EGFL6: variants seen among roughly 807,000 people sequenced by gnomAD.
EGFL6 encodes epidermal growth factor-like protein 6.
Under a neutral mutation model 43.1 loss-of-function variants are expected in EGFL6, and 42 were observed. The ratio of observed to expected loss-of-function variants is 0.98; its 90% CI spans 0.76 to 1.26. The LOEUF is 1.26. EGFL6 is among the 50% of genes most tolerant of loss of function. The pLI is 0.00. For synonymous variants in EGFL6, 164 were observed against 163.2 expected (o/e 1.01, Z -0.04); for missense variants, 429 against 427.8 (o/e 1.00, Z -0.02).
chrX:13,580,211 C>A (rs1401827619), intron 1 of EGFL6, among the ~76,000 whole-genome samples: 1 of 111,695 alleles, frequency 9.0e-6, no homozygotes. Context: ...TGCTGTATTT[C>A]CACAGAGATT....
chrX:13,579,906 T>C (rs2045496199), intron 1 of EGFL6, among the ~76,000 whole-genome samples: 1 of 111,102 alleles, frequency 9.0e-6, no homozygotes, highest in Non-Finnish European at 1.9e-5. Flanking sequence ...TTCTCACAAC[T>C]GTTAGCTGAC....
In EGFL6 at chrX:13,569,649, C is replaced by T; in HGVS notation, c.-213C>T. On this transcript the variant is annotated 5_prime_UTR_variant, in exon 1 of 12. Coordinates refer to ENST00000361306, the MANE Select transcript of EGFL6 (RefSeq NM_015507.4). ...GCAGAGGAGCCTCGGCCAGGCTTGC[C>T]AGGGCGCCCCCAGCCCCTCCCCAGG... 1 of 411,330 alleles carries T rather than the reference C, an allele frequency of 2.4e-6. No individual in the cohort carries two copies. The highest frequency in any genetic ancestry group is 4.2e-6 in the Non-Finnish European group (1 of 236,406). 33.9% of individuals were successfully genotyped at this position (411,330 alleles called of 1,213,427 possible).
At chrX:13,571,496 G>A (rs950092944) in intron 1 of EGFL6, among the ~76,000 whole-genome samples, 1 of 111,659 alleles carries the variant, frequency 9.0e-6, no homozygotes, top group African/African-American at 3.3e-5. Context: ...AGGTTCTTGC[G>A]TTGCTAGAAA....
chrX:13,627,465 T>C (rs948306392), intron 11 of EGFL6, among the ~76,000 whole-genome samples, 189 bp downstream of exon 11: 3 of 111,921 alleles, frequency 2.7e-5, no homozygotes, highest in Non-Finnish European at 3.8e-5. Flanking sequence ...CATGGATACT[T>C]ATCTGGCGTA....
intron 1 of EGFL6, among the ~76,000 whole-genome samples, chrX:13,585,113 C>T (rs1176871517): frequency 4.5e-5 from 5 of 111,889 alleles, no homozygotes; most frequent in Non-Finnish European, 9.4e-5. Flanking sequence ...AAAGCCCTAA[C>T]TTGATTCACA....
chrX:13,575,481 C>T (rs1385085772), intron 1 of EGFL6, among the ~76,000 whole-genome samples: 2 of 111,645 alleles, frequency 1.8e-5, no homozygotes, highest in Non-Finnish European at 3.8e-5. Context: ...AGAAGACAGC[C>T]ATCTTCAAGC....
In EGFL6 at chrX:13,594,919, T is replaced by C; in HGVS notation, c.271T>C (p.Cys91Arg). 8.3e-7 allele frequency: 1 copy of C among 1,207,323 alleles called. No individual in the cohort carries two copies. Among genetic ancestry groups the C allele is most frequent in the Non-Finnish European group, 1.1e-6 (1 of 891,915 alleles). Residue 91 changes from cysteine (C) to arginine (R), a missense_variant, in exon 3 of 12, where the codon TGC (cysteine) becomes CGC (arginine). By Grantham distance (180) the Cys-to-Arg change is radical. Coordinates refer to ENST00000361306, the MANE Select transcript of EGFL6 (RefSeq NM_015507.4). ...CTTTCCAGGATACACCGGGAAAACC[T>C]GCAGTCAAGGTCAGTAAGGTAGCCC... is the stretch of plus-strand genomic sequence containing the variant. ...RCFPGYTGKTCSQDVNECGMK... is the reference protein window; with the variant it reads ...RCFPGYTGKTRSQDVNECGMK...
chrX:13,596,774 G>A (rs1406864700), intron 3 of EGFL6, among the ~76,000 whole-genome samples: 1 of 112,037 alleles, frequency 8.9e-6, no homozygotes, highest in Non-Finnish European at 1.9e-5. Context: ...TGGAGGGGGT[G>A]CTACTGGTGT....
At chrX:13,611,574 G>A (rs904357743) in intron 7 of EGFL6, among the ~76,000 whole-genome samples, 1 of 112,237 alleles carries the variant, frequency 8.9e-6, no homozygotes, top group Non-Finnish European at 1.9e-5. Flanking sequence ...ATGTTCAAAT[G>A]AAGGCAACAT....
At chrX:13,624,158 C>T (rs370428431) in intron 10 of EGFL6, among the ~76,000 whole-genome samples, 236 of 111,597 alleles carry the variant, frequency 2.1e-3, no homozygotes, top group African/African-American at 7.0e-3. Flanking sequence ...TGGGAGAAAA[C>T]CTCTTCCATA....
chrX:13,627,212 G>A lies in EGFL6; in HGVS notation c.1487G>A (p.Ser496Asn), dbSNP rs1478860675. The A allele has an allele frequency of 8.2e-7, 1 of 1,212,340 alleles. No individual in the cohort carries two copies. ...GCCCTGGCATGGGAGAAGACCACGA[G>A]TGAGGATGAAAAGTGGAAGACAGGG... ...NNALAWEKTTSEDEKWKTGKI... is the reference protein window; with the variant it reads ...NNALAWEKTTNEDEKWKTGKI... Residue 496 changes from serine (S) to asparagine (N), a missense_variant, in exon 11 of 12, where the codon AGT (serine) becomes AAT (asparagine). Coordinates refer to ENST00000361306, the MANE Select transcript of EGFL6 (RefSeq NM_015507.4).
chrX:13,627,250 TATCAAGGAACTG>T lies in EGFL6; in HGVS notation c.1528_1539del (p.Gln510_Asp513del). ...GTGGAAGACAGGGAAAATTCAGTTG[TATCAAGGAACTG>T]ATGCTACCAAAAGCGTAAGTGGGAA... On this transcript the variant is annotated inframe_deletion, in exon 11 of 12. Transcript: ENST00000361306. The T allele has an allele frequency of 2.5e-6, 3 of 1,210,298 alleles. No individual in the cohort carries two copies. Among genetic ancestry groups the T allele is most frequent in the Non-Finnish European group, 3.4e-6 (3 of 893,845 alleles).
intron 7 of EGFL6, among the ~76,000 whole-genome samples, chrX:13,612,867 G>A (rs1013299932): frequency 3.8e-4 from 42 of 111,789 alleles, no homozygotes; most frequent in African/African-American, 1.1e-3. Flanking sequence ...GGCATAGGCC[G>A]GGCGCAGTAG....
At chrX:13,591,952 A>G (rs2045565759) in intron 2 of EGFL6, among the ~76,000 whole-genome samples, 1 of 112,125 alleles carries the variant, frequency 8.9e-6, no homozygotes, top group South Asian at 3.7e-4. Context: ...GGAGAACCAA[A>G]TAAGACTTTT....
At chrX:13,596,140 C>T (rs1390032712) in intron 3 of EGFL6, 1 of 112,031 alleles carries the variant, frequency 8.9e-6, no homozygotes, top group Non-Finnish European at 1.9e-5. Context: ...TCCCAGGAAG[C>T]GTTGCCAGAT....
chrX:13,629,880 C>T (rs751383268), intron 11 of EGFL6, among the ~76,000 whole-genome samples: 1 of 111,933 alleles, frequency 8.9e-6, no homozygotes, highest in African/African-American at 3.3e-5. Context: ...GGGGGCAACA[C>T]ATCTTTACTT....
At chrX:13,608,830 A>G (rs1245792411) in intron 7 of EGFL6, among the ~76,000 whole-genome samples, 1 of 112,456 alleles carries the variant, frequency 8.9e-6, no homozygotes, top group Non-Finnish European at 1.9e-5. Context: ...GTGGCTTAAA[A>G]CCACAAAGGT....
chrX:13,591,366 G>T (rs185185923), intron 2 of EGFL6, among the ~76,000 whole-genome samples: 1 of 111,572 alleles, frequency 9.0e-6, no homozygotes, highest in Admixed American at 9.5e-5. Context: ...TGAAGGCAAG[G>T]TGTTAAAAGG....
chrX:13,599,924 G>A (rs1475364076), intron 3 of EGFL6, 51 bp from the exon 4 acceptor site: 1 of 1,188,162 alleles, frequency 8.4e-7, no homozygotes, highest in East Asian at 3.0e-5. Context: ...TCCCCATCTG[G>A]AAGTTTCCTG....
Sources: gnomAD v4.1 joint callset for allele counts (sites outside exome capture counted in the v4.1 genomes callset) on GRCh38, gnomAD v4.1.1 for gene constraint, MANE v1.5 for transcripts, NCBI Gene and HGNC (gene_info 2026-07-23, HGNC 2026-07-21) for gene names.